Variants in CIMIP2A observed in about 807,000 individuals in gnomAD.
CIMIP2A encodes ciliary microtubule inner protein 2A.
At chr9:137,246,777 A>T in the CIMIP2A span, among the ~76,000 whole-genome samples, 4 of 151,928 alleles carry the variant, frequency 2.6e-5, no homozygotes, top group South Asian at 2.1e-4. Context: ...GAAAAAAAAA[A>T]GCCGAGCAAC....
At chr9:137,248,398 C>T in the CIMIP2A span, among the ~76,000 whole-genome samples, 6 of 151,784 alleles carry the variant, frequency 4.0e-5, no homozygotes, top group African/African-American at 1.5e-4. Context: ...CAAAAATTAG[C>T]CAGGTGCGGT....
the CIMIP2A span, chr9:137,250,757 C>T: frequency 6.2e-6 from 1 of 161,782 alleles, no homozygotes; most frequent in Non-Finnish European, 1.4e-5. Context: ...CCCGGCCTGC[C>T]TCTGGTGTCA....
the CIMIP2A span, among the ~76,000 whole-genome samples, chr9:137,253,696 C>T: frequency 3.3e-5 from 5 of 152,202 alleles, no homozygotes; most frequent in African/African-American, 7.2e-5. Context: ...CCCACCCAGC[C>T]GTGTCACTCA....
chr9:137,252,687 T>C, the CIMIP2A span: 1 of 1,550,146 alleles, frequency 6.5e-7, no homozygotes, highest in South Asian at 1.2e-5. Context: ...CACTACCAGC[T>C]GCTCAGCCGG....
At chr9:137,243,885 G>A in the CIMIP2A span, 1 of 1,346,580 alleles carries the variant, frequency 7.4e-7, no homozygotes, top group Non-Finnish European at 1.1e-6. Context: ...GCTGCCCTGG[G>A]CCCTGGGTAT....
At chr9:137,244,406 C>A in the CIMIP2A span, 1 of 1,566,254 alleles carries the variant, frequency 6.4e-7, no homozygotes, top group Non-Finnish European at 8.7e-7. Flanking sequence ...TGCTAATGCT[C>A]CCAGCCTTCT....
the CIMIP2A span, chr9:137,244,186 T>C: frequency 2.9e-5 from 47 of 1,613,816 alleles, no homozygotes; most frequent in South Asian, 4.1e-4. Flanking sequence ...ATGAACCCCA[T>C]GTAGAAGGGG....
At chr9:137,252,603 C>A in the CIMIP2A span, 1 of 1,513,578 alleles carries the variant, frequency 6.6e-7, no homozygotes, top group East Asian at 2.5e-5. Context: ...CAAAGGGGGG[C>A]TGGCTGAGGG....
chr9:137,247,597 C>T, the CIMIP2A span: 5 of 1,515,990 alleles, frequency 3.3e-6, no homozygotes, highest in Non-Finnish European at 4.5e-6. Flanking sequence ...TGCCTCAGGC[C>T]CCAGCCATTC....
the CIMIP2A span, among the ~76,000 whole-genome samples, chr9:137,247,288 A>T: frequency 2.0e-5 from 3 of 152,240 alleles, no homozygotes; most frequent in African/African-American, 4.8e-5. Context: ...TCTGTCTCAA[A>T]AAATAAATAA....
At chr9:137,253,540 T>G in the CIMIP2A span, 1 of 1,375,236 alleles carries the variant, frequency 7.3e-7, no homozygotes. Context: ...GAGATATGGC[T>G]GCCGCTGGGT....
the CIMIP2A span, chr9:137,244,349 T>TGTCCCAGTGGGGGCCTGGCCGGAGG: frequency 6.2e-7 from 1 of 1,608,412 alleles, no homozygotes; most frequent in Non-Finnish European, 8.5e-7. Context: ...ATAGTCAAGT[T>TGTCCCAGTGGGGGCCTGGCCGGAGG]GTCCCAGTGG....
chr9:137,255,106 A>T, the CIMIP2A span: 1 of 161,232 alleles, frequency 6.2e-6, no homozygotes, highest in African/African-American at 2.4e-5. Context: ...TTCCCGGAGC[A>T]GACGGACCCT....
At chr9:137,244,125 C>A in the CIMIP2A span, 1 of 1,576,732 alleles carries the variant, frequency 6.3e-7, no homozygotes, top group Non-Finnish European at 8.7e-7. Context: ...CGTCCCTCCC[C>A]ACATTGGCCG....
At chr9:137,249,227 T>C in the CIMIP2A span, among the ~76,000 whole-genome samples, 2 of 152,314 alleles carry the variant, frequency 1.3e-5, no homozygotes, top group African/African-American at 4.8e-5. Flanking sequence ...CATAATCACA[T>C]ACATGCTGAC....
chr9:137,244,524 C>G, the CIMIP2A span: 2 of 1,517,912 alleles, frequency 1.3e-6, no homozygotes, highest in Admixed American at 4.0e-5. Context: ...CCAGGCAGAG[C>G]CCCCTCCTCA....
the CIMIP2A span, chr9:137,244,034 T>G: frequency 1.0e-6 from 1 of 997,298 alleles, no homozygotes; most frequent in African/African-American, 1.6e-5. Context: ...TGGCAGACAA[T>G]CCTACCCCAA....
the CIMIP2A span, chr9:137,243,716 C>A: frequency 6.2e-7 from 1 of 1,614,156 alleles, no homozygotes; most frequent in Non-Finnish European, 8.5e-7. Flanking sequence ...TGTGTGGTTT[C>A]GCTTTGCCCA....
chr9:137,245,216 C>T, the CIMIP2A span: 1 of 1,580,672 alleles, frequency 6.3e-7, no homozygotes, highest in Non-Finnish European at 8.6e-7. Flanking sequence ...GGCAGTGGTA[C>T]AGCTGGAGCG....
Sources: allele counts gnomAD v4.1 joint callset (sites outside exome capture counted in the v4.1 genomes callset), GRCh38; gene constraint gnomAD v4.1.1; transcripts MANE v1.5; gene names NCBI Gene and HGNC (gene_info 2026-07-23, HGNC 2026-07-21).